The following DMD variants were observed in gnomAD, a reference collection of about 807,000 sequenced individuals.
DMD encodes mutant dystrophin.
In DMD, 63 loss-of-function variants were observed where a neutral mutation model predicts 330.1. The observed-to-expected ratio is 0.19, with a 90% CI of 0.16 to 0.24. The LOEUF (loss-of-function observed/expected upper bound fraction) is 0.24. Among genes scored for constraint, DMD ranks in the 10% least tolerant of loss-of-function variants. The pLI, the probability that DMD is intolerant of heterozygous loss-of-function variation, is 1.00. For missense variants in DMD, 3,344 were observed against 2,684.1 expected, an observed-to-expected ratio of 1.25 and a Z score of -5.43; for synonymous variants, 1,223 against 959.8, an observed-to-expected ratio of 1.27 and a Z score of -5.07.
chrX:32,755,927 G>C (rs1320936889), intron 7 of DMD, among the ~76,000 whole-genome samples: 1 of 111,954 alleles, frequency 8.9e-6, no homozygotes, highest in Admixed American at 9.5e-5. Context: ...TAATCAGCAA[G>C]CTTAATCTAG....
At chrX:32,100,356 C>T (rs1362833932) in intron 44 of DMD, among the ~76,000 whole-genome samples, 5 of 103,073 alleles carry the variant, frequency 4.9e-5, no homozygotes, top group Non-Finnish European at 3.8e-5. Flanking sequence ...AAGAAAATCA[C>T]TGTGTATTAT....
intron 22 of DMD, 37 bp from the exon 23 acceptor site, chrX:32,468,747 G>A (rs1472951049): frequency 3.7e-6 from 4 of 1,074,937 alleles, no homozygotes; most frequent in South Asian, 3.8e-5. Flanking sequence ...TACCCTAATT[G>A]ATGAATAATA....
At chrX:32,808,575 G>A (rs1371390822) in intron 7 of DMD, among the ~76,000 whole-genome samples, 1 of 107,362 alleles carries the variant, frequency 9.3e-6, no homozygotes, top group African/African-American at 3.7e-5. Flanking sequence ...CTGTCTTCTG[G>A]GTCATTTTTG....
intron 1 of DMD, among the ~76,000 whole-genome samples, chrX:33,324,031 T>C (rs1174305357): frequency 9.0e-6 from 1 of 111,402 alleles, no homozygotes. Flanking sequence ...ATTGCCCTCA[T>C]TATTTCCTCA....
intron 1 of DMD, chrX:33,128,492 C>T (rs1738746155): frequency 9.3e-6 from 8 of 860,315 alleles, no homozygotes; most frequent in African/African-American, 2.1e-5. Context: ...TACCTGATTA[C>T]GTTCCCTTCT....
chrX:32,651,943 C>T (rs2060186925), intron 9 of DMD, among the ~76,000 whole-genome samples: 1 of 111,610 alleles, frequency 9.0e-6, no homozygotes, highest in African/African-American at 3.3e-5. Context: ...CTATGATTTG[C>T]CTTTGATGTT....
At chrX:32,644,434 G>A (rs2059657614) in intron 10 of DMD, 121 bp from the exon 11 acceptor site, 2 of 768,523 alleles carry the variant, frequency 2.6e-6, no homozygotes, top group Admixed American at 2.9e-5. Context: ...CCCAGTAAAA[G>A]GAATTTAATT....
At chrX:31,877,836 G>C (rs145158057) in intron 47 of DMD, among the ~76,000 whole-genome samples, 1,311 of 111,207 alleles carry the variant, frequency 0.012, 17 homozygotes, top group African/African-American at 0.041. Context: ...TATTTTTATT[G>C]GATCATTTTC....
At chrX:32,580,986 C>CTTTTT (rs2053594100) in intron 13 of DMD, among the ~76,000 whole-genome samples, 5 of 110,762 alleles carry the variant, frequency 4.5e-5, no homozygotes. Flanking sequence ...GACACCACAC[C>CTTTTT]TGGCTCTTTT....
intron 43 of DMD, among the ~76,000 whole-genome samples, chrX:32,272,980 C>T (rs1371745638): frequency 9.0e-6 from 1 of 111,469 alleles, no homozygotes; most frequent in Non-Finnish European, 1.9e-5. Context: ...AAAGCATTAG[C>T]CCTCTAAGTA....
intron 59 of DMD, among the ~76,000 whole-genome samples, chrX:31,473,437 T>G (rs1481987054): frequency 1.0e-5 from 1 of 97,950 alleles, no homozygotes; most frequent in African/African-American, 3.8e-5. Flanking sequence ...AAAACAGCAA[T>G]CTGGCCGGGA....
chrX:31,849,276 T>C (rs1807136130), intron 48 of DMD, among the ~76,000 whole-genome samples: 1 of 111,129 alleles, frequency 9.0e-6, no homozygotes, highest in Non-Finnish European at 1.9e-5. Context: ...CAGTGCTTAC[T>C]ATGTTTCACT....
At chrX:32,538,510 C>T (rs1279315871) in intron 17 of DMD, among the ~76,000 whole-genome samples, 5 of 111,054 alleles carry the variant, frequency 4.5e-5, no homozygotes, top group Non-Finnish European at 9.4e-5. Flanking sequence ...CAGACTCAGC[C>T]TGCCTGCACC....
intron 21 of DMD, among the ~76,000 whole-genome samples, chrX:32,483,820 CAAAAAAAAAAAAAA>C (rs770119472): frequency 5.4e-5 from 2 of 37,269 alleles, no homozygotes; most frequent in Admixed American, 8.5e-4. Context: ...CTCTGAAGTA[CAAAAAAAAAAAAAA>C]AAAAAAAAAG....
At position 33,066,446 on chromosome X, in the gene DMD, C is replaced by CA. The variant is rs778464677; in HGVS notation, c.32-46247dup. Among the ~76,000 whole-genome samples the CA allele has an allele frequency of 8.7e-3, 331 of 38,233 alleles. 2 individuals carry two copies. The highest frequency in any genetic ancestry group is 0.012 in the Non-Finnish European group (265 of 22,020). 33.2% of individuals were successfully genotyped at this position (38,233 alleles called of 115,157 possible). ...CCTGGACAAAACAGTGAGACTCTGT[C>CA]AAAAAAAAAAAAAAAAAGGAAGGAA... On this transcript the variant is annotated intron_variant, in intron 1 of 78. Coordinates refer to ENST00000357033, the MANE Select transcript of DMD (RefSeq NM_004006.3).
At chrX:32,584,752 C>A (rs1569250476) in intron 13 of DMD, among the ~76,000 whole-genome samples, 1 of 111,643 alleles carries the variant, frequency 9.0e-6, no homozygotes, top group Non-Finnish European at 1.9e-5. Flanking sequence ...TACATGTTAC[C>A]TTTGAGGAGA....
intron 2 of DMD, among the ~76,000 whole-genome samples, chrX:32,854,391 A>C (rs1312558691): frequency 9.0e-6 from 1 of 111,256 alleles, no homozygotes; most frequent in Non-Finnish European, 1.9e-5. Flanking sequence ...GGAATTTTGA[A>C]AATTATACAA....
At chrX:31,925,879 A>C (rs1383531105) in intron 47 of DMD, among the ~76,000 whole-genome samples, 1 of 109,214 alleles carries the variant, frequency 9.2e-6, no homozygotes, top group Non-Finnish European at 1.9e-5. Flanking sequence ...CTCAAAAAAA[A>C]AAAAAAAACA....
At chrX:31,351,946 A>G (rs1569531262) in intron 60 of DMD, among the ~76,000 whole-genome samples, 1 of 110,203 alleles carries the variant, frequency 9.1e-6, no homozygotes, top group East Asian at 2.8e-4. Flanking sequence ...AAAAAAAAAA[A>G]CTTGCCTAAG....
Sources: allele counts gnomAD v4.1 joint callset (sites outside exome capture counted in the v4.1 genomes callset), GRCh38; gene constraint gnomAD v4.1.1; transcripts MANE v1.5; gene names NCBI Gene and HGNC (gene_info 2026-07-23, HGNC 2026-07-21).